PRICKLE2: variants seen among roughly 807,000 people sequenced by gnomAD.
PRICKLE2 encodes prickle planar cell polarity protein 2.
PRICKLE2 carries 21 observed loss-of-function variants against 81.4 expected under a neutral mutation model. The observed-to-expected ratio is 0.26, with a 90% CI of 0.18 to 0.37. PRICKLE2 has a LOEUF of 0.37. Among genes scored for constraint, PRICKLE2 ranks in the 10% least tolerant of loss-of-function variants. The probability of loss-of-function intolerance (pLI) is 1.00; values close to 1 mark genes in which losing one functional copy is unlikely to be tolerated. For missense variants in PRICKLE2, 940 were observed against 1,109.0 expected (o/e 0.85, Z 2.16); for synonymous variants, 456 against 421.5 (o/e 1.08, Z -1.00).
In PRICKLE2 at chr3:64,122,672, G is replaced by C. The variant is rs147605287; in HGVS notation, c.1661-22747C>G. ...GTGCCAAGCAAGGTGTGAGGATTCT[G>C]TGACCTGCCAAAGCCCCGGGCCACT... On this transcript the variant is annotated intron_variant, in intron 7 of 7. Transcript: ENST00000638394. Among the ~76,000 whole-genome samples the C allele has an allele frequency of 1.4e-4, 21 of 152,280 alleles. 1 individual carries two copies. The East Asian group carries it at 3.9e-3, about 28-fold the overall frequency.
At chr3:64,141,735 C>T (rs1470209443) in intron 7 of PRICKLE2, 1 of 889,532 alleles carries the variant, frequency 1.1e-6, no homozygotes, top group Non-Finnish European at 1.3e-6. Context: ...CAAGCCAGTG[C>T]AGCTATCTGT....
chr3:64,119,916 T>A (rs2106965558), intron 7 of PRICKLE2, among the ~76,000 whole-genome samples: 1 of 152,306 alleles, frequency 6.6e-6, no homozygotes, highest in Non-Finnish European at 1.5e-5. Flanking sequence ...GCAGCATCGA[T>A]ACAGCTGGAG....
At chr3:64,175,612 T>C (rs2078009675) in intron 2 of PRICKLE2, among the ~76,000 whole-genome samples, 1 of 152,218 alleles carries the variant, frequency 6.6e-6, no homozygotes, top group South Asian at 2.1e-4. Flanking sequence ...ATTTATAGTT[T>C]AGTCATTTTG....
intron 2 of PRICKLE2, among the ~76,000 whole-genome samples, chr3:64,234,290 T>C (rs1352791841): frequency 8.7e-6 from 1 of 115,538 alleles, no homozygotes; most frequent in African/African-American, 2.7e-5. Context: ...AAGTGATATC[T>C]GAAGCTTCCC....
Position 64,147,057 on chromosome 3 carries a change from C to G in PRICKLE2, c.1433G>C (p.Arg478Thr). The change falls in exon 7 of 8, where the codon AGA (arginine) becomes ACA (threonine). Residue 478 changes from arginine (R) to threonine (T), a missense_variant. Physicochemically the swap from Arg to Thr is moderately conservative, Grantham distance 71 (BLOSUM62 -1). Coordinates refer to ENST00000638394, the MANE Select transcript of PRICKLE2 (RefSeq NM_198859.4). The surrounding 1 kb of genome is among the most constrained non-coding windows in gnomAD (Gnocchi z 5.0). ...CATATCACTGTAGCTCTCCTGAGAT[C>G]TCAGCCTCCCCGGGTAATAGTCTTC... is the stretch of plus-strand genomic sequence containing the variant. ...CREDYYPGRL[R>T]SQESYSDMSS... 6.2e-7 allele frequency: 1 copy of G among 1,614,172 alleles called. No homozygotes were observed. Among genetic ancestry groups the G allele is most frequent in the Non-Finnish European group, 8.5e-7 (1 of 1,180,040 alleles).
intron 7 of PRICKLE2, among the ~76,000 whole-genome samples, chr3:64,126,505 C>T (rs2077109061): frequency 6.6e-6 from 1 of 152,224 alleles, no homozygotes; most frequent in South Asian, 2.1e-4. Flanking sequence ...ACTGACCAAA[C>T]AACACTGCAT....
At chr3:64,197,657 A>T (rs903287177) in intron 2 of PRICKLE2, among the ~76,000 whole-genome samples, 10 of 152,160 alleles carry the variant, frequency 6.6e-5, no homozygotes, top group African/African-American at 2.4e-4. Flanking sequence ...ATGAGAACAC[A>T]TGGACACATA....
At chr3:64,216,966 A>C (rs960642872) in intron 1 of PRICKLE2, among the ~76,000 whole-genome samples, 1 of 152,182 alleles carries the variant, frequency 6.6e-6, no homozygotes. Context: ...TGAACTCAAA[A>C]GCAAGTAATA....
intron 2 of PRICKLE2, chr3:64,163,479 A>G (rs777242809): frequency 2.2e-5 from 8 of 367,232 alleles, no homozygotes; most frequent in South Asian, 7.2e-5. Context: ...TTTCTCTGTT[A>G]GTCTCCAGCA....
chr3:64,149,893 T>A (rs1575592271), intron 6 of PRICKLE2, among the ~76,000 whole-genome samples: 1 of 151,258 alleles, frequency 6.6e-6, no homozygotes, highest in Admixed American at 6.6e-5. Flanking sequence ...TTTTTTTTTA[T>A]AGGGATAGGA....
intron 7 of PRICKLE2, chr3:64,100,747 AC>A (rs1461938725): frequency 1.3e-5 from 2 of 152,204 alleles, no homozygotes; most frequent in East Asian, 3.9e-4. Flanking sequence ...TGAGATGAAA[AC>A]CATTTTGAAG....
intron 7 of PRICKLE2, among the ~76,000 whole-genome samples, chr3:64,144,432 C>A (rs1473735844): frequency 6.6e-6 from 1 of 152,234 alleles, no homozygotes; most frequent in Admixed American, 6.5e-5. Context: ...ATGTTTGACA[C>A]ATTGCAAGAG....
chr3:64,172,281 C>T (rs2077945719), intron 2 of PRICKLE2, among the ~76,000 whole-genome samples: 1 of 152,228 alleles, frequency 6.6e-6, no homozygotes, highest in African/African-American at 2.4e-5. Context: ...ATTGTCTACG[C>T]ATTTGCGTAT....
rs76053104 is a variant in PRICKLE2, at chr3:64,222,031, T to C, written c.-41+2879A>G. ...CTTCAGTTTCTCCGTTAAATAAATA[T>C]TAAAATTACTGCCCCCTGTTGTTCA... On this transcript the variant is annotated intron_variant, in intron 1 of 7. Coordinates refer to ENST00000638394, the MANE Select transcript of PRICKLE2 (RefSeq NM_198859.4). 8.8e-3 allele frequency among the ~76,000 whole-genome samples: 1,333 copies of C among 152,322 alleles called. 18 individuals are homozygous for C. The highest frequency in any genetic ancestry group is 0.064 in the East Asian group (334 of 5,186).
chr3:64,194,068 C>T (rs911468699), intron 2 of PRICKLE2: 3 of 152,034 alleles, frequency 2.0e-5, no homozygotes, highest in African/African-American at 7.2e-5. Flanking sequence ...TTTTTCTTTT[C>T]TTTTTTAATG....
chr3:64,263,463 C>T (rs116570732), intron 2 of PRICKLE2, among the ~76,000 whole-genome samples: 1 of 152,144 alleles, frequency 6.6e-6, no homozygotes. Flanking sequence ...AGGCAAGAAG[C>T]TTAAATGAGG....
In PRICKLE2 at chr3:64,157,248, G is replaced by A. The variant is rs374877650; in HGVS notation, c.514C>T (p.Leu172=). The change falls in exon 5 of 8, where the codon CTG becomes TTG. Residue 172 remains leucine (L), a synonymous_variant. Coordinates refer to ENST00000638394, the MANE Select transcript of PRICKLE2 (RefSeq NM_198859.4). ...CTVCNELLVD[L]IYFYQDGKIY... Reference sequence around the variant, plus strand: ...TTCCCATCTTGGTAAAAGTAGATCAGATCCACCAGGAGCTCATTGCAGACA... The same window carrying A: ...TTCCCATCTTGGTAAAAGTAGATCAAATCCACCAGGAGCTCATTGCAGACA... The A allele has an allele frequency of 1.9e-6, 3 of 1,614,104 alleles. No individual in the cohort carries two copies. The African/African-American group carries it at 4.0e-5, about 22-fold the overall frequency.
chr3:64,219,085 C>G (rs1047379767), intron 1 of PRICKLE2, among the ~76,000 whole-genome samples: 5 of 152,140 alleles, frequency 3.3e-5, no homozygotes, highest in African/African-American at 1.2e-4. Context: ...GGGGGGCTAC[C>G]ACTTCTCATA....
chr3:64,219,071 C>G (rs1308876987), intron 1 of PRICKLE2, among the ~76,000 whole-genome samples: 1 of 152,164 alleles, frequency 6.6e-6, no homozygotes, highest in Non-Finnish European at 1.5e-5. Context: ...TCCCGCCATT[C>G]TCTGGGGGGC....
Sources: allele counts gnomAD v4.1 joint callset (sites outside exome capture counted in the v4.1 genomes callset), GRCh38; gene constraint gnomAD v4.1.1; non-coding constraint Gnocchi (gnomAD v3.1); transcripts MANE v1.5; gene names NCBI Gene and HGNC (gene_info 2026-07-23, HGNC 2026-07-21).